MGMT: variants seen among roughly 807,000 people sequenced by gnomAD.
MGMT encodes methylated-DNA--protein-cysteine methyltransferase.
In MGMT, 14 loss-of-function variants were observed where a neutral mutation model predicts 15.9. The ratio of observed to expected loss-of-function variants is 0.88; its 90% CI spans 0.58 to 1.37. The LOEUF is 1.37. MGMT is among the 40% of genes most tolerant of loss of function. MGMT has a pLI of 0.00. For missense variants in MGMT, 282 were observed against 268.1 expected (o/e 1.05, Z -0.36); for synonymous variants, 130 against 118.2 (o/e 1.10, Z -0.65).
chr10:129,594,073 G>T (rs1177127809), intron 2 of MGMT, among the ~76,000 whole-genome samples: 1 of 152,188 alleles, frequency 6.6e-6, no homozygotes, highest in African/African-American at 2.4e-5. Flanking sequence ...ATGCGAGGCC[G>T]GCAAAGAATT....
intron 2 of MGMT, among the ~76,000 whole-genome samples, chr10:129,639,721 A>G (rs1847305131): frequency 6.6e-6 from 1 of 152,326 alleles, no homozygotes; most frequent in Non-Finnish European, 1.5e-5. Flanking sequence ...TTAAGTTTTT[A>G]TAATAGCAAA....
chr10:129,561,451 G>A lies in MGMT; in HGVS notation c.125+25074G>A, dbSNP rs74160228. 7.6e-3 allele frequency among the ~76,000 whole-genome samples: 1,155 copies of A among 152,290 alleles called. 20 individuals carry two copies. The highest frequency in any genetic ancestry group is 0.027 in the African/African-American group (1,113 of 41,558). On this transcript the variant is annotated intron_variant, in intron 2 of 4. Transcript: ENST00000651593. The stretch of plus-strand genomic sequence containing the variant: ...TCTCTGTTCTTTGCCGGATGCTACC[G>A]TTGTCTGTGGCCACACTTGCTTCTT...
chr10:129,697,080 G>C (rs6482748), intron 2 of MGMT, among the ~76,000 whole-genome samples: 114,177 of 152,086 alleles, frequency 0.75, 43,000 homozygotes, highest in Middle Eastern at 0.79. Flanking sequence ...GCTTGAGACT[G>C]TATGATGTGG....
intron 2 of MGMT, among the ~76,000 whole-genome samples, chr10:129,549,582 TTC>T (rs1846133211): frequency 6.6e-6 from 1 of 152,234 alleles, no homozygotes; most frequent in African/African-American, 2.4e-5. Flanking sequence ...AGGAGTTTTC[TTC>T]TCTTTCTCTT....
chr10:129,764,427 G>A (rs1848910047), intron 4 of MGMT, among the ~76,000 whole-genome samples: 1 of 152,242 alleles, frequency 6.6e-6, no homozygotes, highest in African/African-American at 2.4e-5. Flanking sequence ...GTACATGTGT[G>A]GCAGTGACAC....
intron 2 of MGMT, among the ~76,000 whole-genome samples, chr10:129,646,754 A>ATATATTTTTTTTTTTTTTTTTTTT: frequency 1.5e-4 from 13 of 86,666 alleles, no homozygotes; most frequent in Admixed American, 4.8e-4. Context: ...ATATATATAT[A>ATATATTTTTTTTTTTTTTTTTTTT]TTTTCAGGGA....
chr10:129,507,314 T>C (rs190600885), intron 1 of MGMT, among the ~76,000 whole-genome samples: 31 of 152,290 alleles, frequency 2.0e-4, no homozygotes, highest in African/African-American at 7.0e-4. Context: ...AGCATGTAGA[T>C]GGAGGACAAG....
intron 1 of MGMT, among the ~76,000 whole-genome samples, chr10:129,491,755 T>C (rs987648331): frequency 6.6e-6 from 1 of 152,204 alleles, no homozygotes; most frequent in Non-Finnish European, 1.5e-5. Flanking sequence ...TTACAAATTT[T>C]GTATTTTTCA....
intron 2 of MGMT, among the ~76,000 whole-genome samples, chr10:129,561,621 C>T (rs1254399620): frequency 6.6e-6 from 1 of 152,176 alleles, no homozygotes; most frequent in East Asian, 1.9e-4. Context: ...ACATGGTATC[C>T]ACCCTCAAGC....
chr10:129,709,822 G>A lies in MGMT; in HGVS notation c.274+1779G>A, dbSNP rs556386344. ...CTGGTCTCACCAGGGTCCAGAGAGTGGTGTGCTCTCAGGCAGGCCAGGAAG... is the reference window on the plus strand; with the variant it reads ...CTGGTCTCACCAGGGTCCAGAGAGTAGTGTGCTCTCAGGCAGGCCAGGAAG... On this transcript the variant is annotated intron_variant, in intron 3 of 4. Transcript: ENST00000651593. Among the ~76,000 whole-genome samples, 282 of 152,244 alleles carry A rather than the reference G, an allele frequency of 1.9e-3. 2 individuals are homozygous for A. Among genetic ancestry groups the A allele is most frequent in the Admixed American group, 2.7e-3 (42 of 15,308 alleles).
Position 129,659,358 on chromosome 10 carries a change from G to GAAAAAAA in MGMT, c.126-48537_126-48536insAAAAAAA, listed in dbSNP as rs10644344. 3.4e-4 allele frequency among the ~76,000 whole-genome samples: 50 copies of GAAAAAAA among 147,116 alleles called. 4 individuals carry two copies. The highest frequency in any genetic ancestry group is 1.2e-3 in the African/African-American group (47 of 37,886). Reference sequence around the variant, plus strand: ...GGTGGCAGAGCGAGACTCCCTGTGTGGAAAAAAAAAAAAAAGATACTCAGA... The same window carrying GAAAAAAA: ...GGTGGCAGAGCGAGACTCCCTGTGTGAAAAAAAGAAAAAAAAAAAAAAGATACTCAGA... On this transcript the variant is annotated intron_variant, in intron 2 of 4. Coordinates refer to ENST00000651593, the MANE Select transcript of MGMT (RefSeq NM_002412.5). The surrounding 1 kb of genome is among the most constrained non-coding windows in gnomAD (Gnocchi z 4.1).
chr10:129,662,921 G>A (rs1041305744), intron 2 of MGMT, among the ~76,000 whole-genome samples: 12 of 152,140 alleles, frequency 7.9e-5, no homozygotes, highest in African/African-American at 2.4e-4. Flanking sequence ...AGAACCTACA[G>A]CATACGCAAA....
intron 2 of MGMT, chr10:129,700,090 C>G (rs1848079795): frequency 6.6e-6 from 1 of 152,150 alleles, no homozygotes; most frequent in Admixed American, 6.5e-5. Context: ...CGTTGGAAAT[C>G]AGTAGGGTGG....
chr10:129,694,268 G>A (rs1848004392), intron 2 of MGMT: 1 of 152,290 alleles, frequency 6.6e-6, no homozygotes, highest in South Asian at 2.1e-4. Flanking sequence ...CCTGGCTCCG[G>A]GGTTTGCATG....
rs570430674 is a variant in MGMT at position 129,760,306 on chromosome 10, C to T, written c.414+965C>T. Among the ~76,000 whole-genome samples, 165 of 152,332 alleles carry T rather than the reference C, an allele frequency of 1.1e-3. 1 individual carries two copies. The highest frequency in any genetic ancestry group is 2.0e-3 in the Non-Finnish European group (135 of 68,028). ...CTGCGTGGCCCATTGGGAGAACCCA[C>T]ACAACCTCAAGAATGCCCCTGGAAT... On this transcript the variant is annotated intron_variant, in intron 4 of 4. Transcript: ENST00000651593.
At chr10:129,697,897 C>T (rs910405420) in intron 2 of MGMT, among the ~76,000 whole-genome samples, 1 of 152,224 alleles carries the variant, frequency 6.6e-6, no homozygotes, top group Non-Finnish European at 1.5e-5. Flanking sequence ...TAAATTCTTA[C>T]ATCCCAGAGC....
At chr10:129,679,192 A>G (rs1282107132) in intron 2 of MGMT, among the ~76,000 whole-genome samples, 1 of 152,178 alleles carries the variant, frequency 6.6e-6, no homozygotes, top group East Asian at 1.9e-4. Flanking sequence ...TTTCTTAGAA[A>G]ACTTGATTTG....
chr10:129,565,325 A>C (rs1846342187), intron 2 of MGMT, among the ~76,000 whole-genome samples: 1 of 152,076 alleles, frequency 6.6e-6, no homozygotes, highest in South Asian at 2.1e-4. Context: ...GACACAGTCT[A>C]CCCTCTGAAC....
intron 2 of MGMT, among the ~76,000 whole-genome samples, chr10:129,670,781 T>A (rs1847712116): frequency 6.6e-6 from 1 of 152,188 alleles, no homozygotes; most frequent in Admixed American, 6.5e-5. Flanking sequence ...ACACAAACTA[T>A]CAAAGCTCTC....
Sources: allele counts gnomAD v4.1 joint callset (sites outside exome capture counted in the v4.1 genomes callset), GRCh38; gene constraint gnomAD v4.1.1; non-coding constraint Gnocchi (gnomAD v3.1); transcripts MANE v1.5; gene names NCBI Gene and HGNC (gene_info 2026-07-23, HGNC 2026-07-21).